The following SLC2A1 variants were observed in gnomAD, a reference collection of about 807,000 sequenced individuals.
The protein encoded by SLC2A1 is solute carrier family 2 member 1, also known as solute carrier family 2, facilitated glucose transporter member 1.
In SLC2A1, 4 loss-of-function variants were observed where a neutral mutation model predicts 46.6. That is an observed-to-expected ratio of 0.09 (90% CI 0.04 to 0.20). SLC2A1 has a LOEUF of 0.20. Ranked by LOEUF, SLC2A1 falls within the 10% of genes least tolerant of loss-of-function variation. The pLI is 1.00. For missense variants in SLC2A1, 352 were observed against 667.0 expected (o/e 0.53, Z 5.20); for synonymous variants, 253 against 270.0 (o/e 0.94, Z 0.62).
At position 42,934,119 on chromosome 1, in the gene SLC2A1, C is replaced by T. The variant is rs559936658; in HGVS notation, c.115-2913G>A. On this transcript the variant is annotated intron_variant, in intron 2 of 9. Transcript: ENST00000426263. ...AAACTACCTAAATAAGCTTGAAGAT[C>T]TCTTGAGATGTTGGGGCAACTGACA... is the stretch of plus-strand genomic sequence containing the variant. Among the ~76,000 whole-genome samples, 3 of 152,280 alleles carry T rather than the reference C, an allele frequency of 2.0e-5. No individual in the cohort carries two copies. In the East Asian group the frequency reaches 5.8e-4, roughly 29 times the overall value.
chr1:42,952,354 C>T (rs1643729896), intron 1 of SLC2A1: 2 of 475,848 alleles, frequency 4.2e-6, no homozygotes, highest in Non-Finnish European at 8.4e-6. Context: ...CCACTCAGGC[C>T]CACACTCAGC....
At chr1:42,956,375 A>C (rs935537907) in intron 1 of SLC2A1, among the ~76,000 whole-genome samples, 1 of 147,334 alleles carries the variant, frequency 6.8e-6, no homozygotes, top group Non-Finnish European at 1.5e-5. Flanking sequence ...CAGCCTGACC[A>C]ACATGGAGAA....
intron 2 of SLC2A1, among the ~76,000 whole-genome samples, chr1:42,934,627 C>G (rs1476484066): frequency 6.6e-6 from 1 of 152,084 alleles, no homozygotes; most frequent in Non-Finnish European, 1.5e-5. Flanking sequence ...GGGTGCACCT[C>G]AGGAAAGAAG....
At chr1:42,951,153 T>C (rs1643716049) in intron 1 of SLC2A1, among the ~76,000 whole-genome samples, 1 of 152,192 alleles carries the variant, frequency 6.6e-6, no homozygotes, top group Admixed American at 6.5e-5. Context: ...CTTGATAGGT[T>C]AGTTGAAGGC....
chr1:42,932,548 T>C (rs181811827), intron 2 of SLC2A1, among the ~76,000 whole-genome samples: 1 of 152,324 alleles, frequency 6.6e-6, no homozygotes, highest in East Asian at 1.9e-4. Context: ...CTCAATTCCA[T>C]GTGAACCCAA....
chr1:42,929,706 T>C lies in SLC2A1; in HGVS notation c.754A>G (p.Met252Val), dbSNP rs1013744464. ...QEMKEESRQMMREKKVTILEL... is the reference protein window; with the variant it reads ...QEMKEESRQMVREKKVTILEL... ...AGGATGGTGACCTTCTTCTCCCGCA[T>C]CATCTGCCGACTCTCTTCCTTCATC... The change falls in exon 6 of 10, where the codon ATG (methionine) becomes GTG (valine). Residue 252 changes from methionine (M) to valine (V), a missense_variant. Transcript: ENST00000426263. The surrounding 1 kb of genome is among the most constrained non-coding windows in gnomAD (Gnocchi z 6.0). The C allele has an allele frequency of 1.9e-6, 3 of 1,613,870 alleles. No homozygotes were observed. The African/African-American group carries it at 4.0e-5, about 22-fold the overall frequency.
At chr1:42,941,034 G>A (rs1266946894) in intron 2 of SLC2A1, among the ~76,000 whole-genome samples, 3 of 152,160 alleles carry the variant, frequency 2.0e-5, no homozygotes, top group African/African-American at 2.4e-5. Flanking sequence ...GCCCTCGCAC[G>A]GAATTGATGA....
chr1:42,939,872 G>A (rs1643578197), intron 2 of SLC2A1, among the ~76,000 whole-genome samples: 1 of 148,128 alleles, frequency 6.8e-6, no homozygotes, highest in African/African-American at 2.5e-5. Flanking sequence ...AGAACCACTT[G>A]AACCCAGGAA....
intron 2 of SLC2A1, among the ~76,000 whole-genome samples, chr1:42,932,704 C>A (rs1352778005): frequency 1.3e-5 from 2 of 152,202 alleles, no homozygotes; most frequent in African/African-American, 4.8e-5. Context: ...AAGGTGTGGG[C>A]AGGCACACTT....
At chr1:42,947,253 A>G (rs905907674) in intron 1 of SLC2A1, among the ~76,000 whole-genome samples, 1 of 151,978 alleles carries the variant, frequency 6.6e-6, no homozygotes, top group Non-Finnish European at 1.5e-5. Context: ...TTCTTGTGGG[A>G]GCCTTTTTTA....
Position 42,929,671 on chromosome 1 carries a change from G to A in SLC2A1, c.789C>T (p.Phe263=). 6.2e-7 allele frequency: 1 copy of A among 1,613,746 alleles called. No individual in the cohort carries two copies. The highest frequency in any genetic ancestry group is 8.5e-7 in the Non-Finnish European group (1 of 1,179,962). ...REKKVTILEL[F]RSPAYRQPIL... is the part of the protein sequence containing the mutation. ...TGGGCTGGCGGTAGGCGGGGGAGCG[G>A]AACAGCTCCAGGATGGTGACCTTCT... The change falls in exon 6 of 10, where the codon TTC becomes TTT. Residue 263 remains phenylalanine, a synonymous_variant. Coordinates refer to ENST00000426263, the MANE Select transcript of SLC2A1 (RefSeq NM_006516.4). This position sits in a 1 kb window ranked among gnomAD's most constrained non-coding sequence, Gnocchi z 6.0.
intron 1 of SLC2A1, among the ~76,000 whole-genome samples, chr1:42,958,184 C>CGCCGGG (rs998844524): frequency 2.6e-5 from 4 of 151,864 alleles, no homozygotes; most frequent in South Asian, 2.1e-4. Flanking sequence ...CTCCTCCGCG[C>CGCCGGG]GCCGGGGCCG....
At chr1:42,948,284 G>A (rs893792236) in intron 1 of SLC2A1, among the ~76,000 whole-genome samples, 24 of 152,206 alleles carry the variant, frequency 1.6e-4, no homozygotes, top group Non-Finnish European at 2.9e-5. Context: ...TTTGACCCAT[G>A]TCAGTGTGTC....
chr1:42,951,793 G>A (rs573386121), intron 1 of SLC2A1: 1 of 398,828 alleles, frequency 2.5e-6, no homozygotes, highest in Non-Finnish European at 4.4e-6. Flanking sequence ...GGGCTGGAGT[G>A]AGGGTAGTTC....
intron 1 of SLC2A1, among the ~76,000 whole-genome samples, chr1:42,948,485 G>T (rs1278357258): frequency 6.6e-6 from 1 of 152,202 alleles, no homozygotes; most frequent in Non-Finnish European, 1.5e-5. Flanking sequence ...TTCCCCAGGT[G>T]CAGGGAAGCA....
chr1:42,958,668 T>A lies in SLC2A1; in HGVS notation c.-17A>T. Reference sequence around the variant, plus strand: ...GGGCTCCATGGCAGCGCTGCGCTGGTGGCTCTGGCTGCGCCGGGTACGCGG... The same window carrying A: ...GGGCTCCATGGCAGCGCTGCGCTGGAGGCTCTGGCTGCGCCGGGTACGCGG... On this transcript the variant is annotated 5_prime_UTR_variant, in exon 1 of 10. Coordinates refer to ENST00000426263, the MANE Select transcript of SLC2A1 (RefSeq NM_006516.4). The A allele has an allele frequency of 6.5e-7, 1 of 1,535,004 alleles. No homozygotes were observed. Among genetic ancestry groups the A allele is most frequent in the Non-Finnish European group, 8.7e-7 (1 of 1,144,662 alleles).
chr1:42,957,623 A>AG (rs1643789698), intron 1 of SLC2A1, among the ~76,000 whole-genome samples: 1 of 152,230 alleles, frequency 6.6e-6, no homozygotes, highest in Non-Finnish European at 1.5e-5. Flanking sequence ...AAGGAGGTGG[A>AG]AAGAAACAAT....
At chr1:42,940,307 G>T (rs5031047) in intron 2 of SLC2A1, among the ~76,000 whole-genome samples, 4 of 152,238 alleles carry the variant, frequency 2.6e-5, no homozygotes, top group African/African-American at 9.6e-5. Flanking sequence ...GGCCACCATC[G>T]CCTCTTCTGC....
intron 1 of SLC2A1, among the ~76,000 whole-genome samples, chr1:42,946,783 G>A (rs1643660833): frequency 6.6e-6 from 1 of 152,150 alleles, no homozygotes; most frequent in Non-Finnish European, 1.5e-5. Context: ...ACAAGACACT[G>A]CGACCAATCT....
Sources: allele counts gnomAD v4.1 joint callset (sites outside exome capture counted in the v4.1 genomes callset), GRCh38; gene constraint gnomAD v4.1.1; non-coding constraint Gnocchi (gnomAD v3.1); transcripts MANE v1.5; gene names NCBI Gene and HGNC (gene_info 2026-07-23, HGNC 2026-07-21).